Variants in DOCK8 observed in about 807,000 individuals in gnomAD.
DOCK8 encodes dedicator of cytokinesis 8.
Under a neutral mutation model 245.6 loss-of-function variants are expected in DOCK8, and 141 were observed. That is an observed-to-expected ratio of 0.57 (90% CI 0.50 to 0.66). The LOEUF is 0.66. Among genes scored for constraint, DOCK8 ranks in the 30% least tolerant of loss-of-function variants. DOCK8 has a pLI of 0.00. For missense variants in DOCK8, 2,965 were observed against 2,603.4 expected, an observed-to-expected ratio of 1.14 and a Z score of -3.02; for synonymous variants, 1,168 against 970.2, an observed-to-expected ratio of 1.20 and a Z score of -3.79.
chr9:410,507 G>A (rs192549609), intron 28 of DOCK8, among the ~76,000 whole-genome samples: 2 of 152,280 alleles, frequency 1.3e-5, no homozygotes, highest in Admixed American at 6.5e-5. Flanking sequence ...AACAGCTGCC[G>A]TGAACATGCC....
intron 40 of DOCK8, among the ~76,000 whole-genome samples, chr9:440,801 C>A (rs2057071702): frequency 6.6e-6 from 1 of 152,220 alleles, no homozygotes; most frequent in Non-Finnish European, 1.5e-5. Flanking sequence ...TGCAGTGATG[C>A]AGCCTTGGCT....
intron 1 of DOCK8, among the ~76,000 whole-genome samples, chr9:240,253 A>G (rs1283573763): frequency 2.0e-5 from 3 of 152,198 alleles, no homozygotes; most frequent in Non-Finnish European, 4.4e-5. Flanking sequence ...TCTTTTATAC[A>G]GGTTATCAGA....
intron 26 of DOCK8, among the ~76,000 whole-genome samples, chr9:399,816 T>G (rs1053973582): frequency 6.6e-5 from 10 of 151,952 alleles, no homozygotes; most frequent in Non-Finnish European, 1.5e-5. Context: ...GCTGTCTCCC[T>G]CAAACTACCT....
At chr9:335,510 C>T (rs544452291) in intron 11 of DOCK8, among the ~76,000 whole-genome samples, 2 of 152,246 alleles carry the variant, frequency 1.3e-5, no homozygotes, top group African/African-American at 4.8e-5. Flanking sequence ...TACATAATCA[C>T]CAGTCAGAAC....
chr9:349,628 G>C (rs1450865831), intron 14 of DOCK8, among the ~76,000 whole-genome samples: 3 of 152,282 alleles, frequency 2.0e-5, no homozygotes, highest in South Asian at 4.1e-4. Flanking sequence ...CATGGGCTGA[G>C]CTTTCTCTCC....
At chr9:223,979 A>G (rs604470) in intron 1 of DOCK8, among the ~76,000 whole-genome samples, 85,789 of 151,892 alleles carry the variant, frequency 0.56, 25,207 homozygotes, top group East Asian at 0.75. Flanking sequence ...AGCCTATTAA[A>G]TAAAATAATA....
At chr9:236,405 C>G (rs992943620) in intron 1 of DOCK8, among the ~76,000 whole-genome samples, 5 of 152,134 alleles carry the variant, frequency 3.3e-5, no homozygotes, top group African/African-American at 1.2e-4. Context: ...TTTCATTAGC[C>G]CAGCACATTG....
chr9:411,893 T>C (rs1012098355), intron 28 of DOCK8, among the ~76,000 whole-genome samples: 2 of 152,198 alleles, frequency 1.3e-5, no homozygotes, highest in Non-Finnish European at 2.9e-5. Context: ...TAACGCTTCC[T>C]GATAAAAACA....
At chr9:439,520 G>A in intron 40 of DOCK8, 132 bp downstream of exon 40, 1 of 1,229,398 alleles carries the variant, frequency 8.1e-7, no homozygotes, top group Non-Finnish European at 1.1e-6. Context: ...GTGCGGGGCA[G>A]GGGATGGGCC....
chr9:317,208 G>A (rs2050384756), intron 7 of DOCK8, 80 bp downstream of exon 7: 3 of 1,190,256 alleles, frequency 2.5e-6, no homozygotes, highest in Non-Finnish European at 3.7e-6. Context: ...TATTATCAGA[G>A]CTTGAATCAA....
At chr9:234,384 CT>C (rs1312443923) in intron 1 of DOCK8, among the ~76,000 whole-genome samples, 1 of 152,098 alleles carries the variant, frequency 6.6e-6, no homozygotes, top group Non-Finnish European at 1.5e-5. Flanking sequence ...CTTGGAATTG[CT>C]TTTCTCAAGG....
intron 14 of DOCK8, among the ~76,000 whole-genome samples, chr9:346,103 G>C (rs1563946995): frequency 6.6e-6 from 1 of 151,820 alleles, no homozygotes; most frequent in Non-Finnish European, 1.5e-5. Context: ...AGCCAGGCAG[G>C]ACACTCTGAG....
At chr9:363,540 T>C (rs1313840130) in intron 14 of DOCK8, among the ~76,000 whole-genome samples, 2 of 152,238 alleles carry the variant, frequency 1.3e-5, no homozygotes, top group African/African-American at 2.4e-5. Flanking sequence ...CATGCAGATT[T>C]AACAAAACAT....
At chr9:244,837 C>T (rs150675852) in intron 1 of DOCK8, among the ~76,000 whole-genome samples, 244 of 152,190 alleles carry the variant, frequency 1.6e-3, no homozygotes, top group Middle Eastern at 3.4e-3. Flanking sequence ...CTTCCTAGTC[C>T]GTCTCTAGTT....
intron 28 of DOCK8, among the ~76,000 whole-genome samples, chr9:410,501 G>A (rs1470889056): frequency 6.6e-6 from 1 of 152,178 alleles, no homozygotes; most frequent in African/African-American, 2.4e-5. Flanking sequence ...TATGAAAACA[G>A]CTGCCGTGAA....
At chr9:299,498 A>G (rs2049427116) in intron 4 of DOCK8, among the ~76,000 whole-genome samples, 3 of 152,088 alleles carry the variant, frequency 2.0e-5, no homozygotes, top group Non-Finnish European at 2.9e-5. Flanking sequence ...CCTGGGCTCA[A>G]GTGGTGCTCC....
rs777972177 is a variant in DOCK8, at chr9:386,431, T to G, written c.2874+5T>G. 9 of 1,611,944 alleles carry G rather than the reference T, an allele frequency of 5.6e-6. No homozygotes were observed. In the East Asian group the frequency reaches 1.3e-4, roughly 24 times the overall value. On this transcript the variant is annotated splice_donor_5th_base_variant and intron_variant, in intron 23 of 47. Transcript: ENST00000432829. ...CCAAGGCCAGCCAGCAAAAAGGTACTGAAGAGAGCAATGTGAGGTTCATCC... is the reference window on the plus strand; with the variant it reads ...CCAAGGCCAGCCAGCAAAAAGGTACGGAAGAGAGCAATGTGAGGTTCATCC...
chr9:371,304 A>G, intron 16 of DOCK8, 124 bp from the exon 17 acceptor site: 1 of 1,086,194 alleles, frequency 9.2e-7, no homozygotes, highest in Non-Finnish European at 1.4e-6. Context: ...AGAGCAGAGT[A>G]ATGTAAAATG....
chr9:284,078 G>A (rs950241793), intron 2 of DOCK8, among the ~76,000 whole-genome samples: 7 of 152,120 alleles, frequency 4.6e-5, no homozygotes, highest in Non-Finnish European at 7.4e-5. Context: ...GGTTGGGGCT[G>A]GAAAAAATGC....
Sources: gnomAD v4.1 joint callset for allele counts (sites outside exome capture counted in the v4.1 genomes callset) on GRCh38, gnomAD v4.1.1 for gene constraint, MANE v1.5 for transcripts, NCBI Gene and HGNC (gene_info 2026-07-23, HGNC 2026-07-21) for gene names.